Variants in TRMT2B observed in about 807,000 individuals in gnomAD.
The protein encoded by TRMT2B is tRNA methyltransferase 2B.
A neutral mutation model predicts 39.7 loss-of-function variants in TRMT2B; 34 were observed. That is an observed-to-expected ratio of 0.86 (90% CI 0.65 to 1.14). The LOEUF (loss-of-function observed/expected upper bound fraction) is 1.14. Ranked by LOEUF, TRMT2B falls within the 50% of genes most tolerant of loss-of-function variation. The probability of loss-of-function intolerance (pLI) is 0.00; values close to 1 mark genes in which losing one functional copy is unlikely to be tolerated. For synonymous variants in TRMT2B, 132 were observed against 137.3 expected (o/e 0.96, Z 0.27); for missense variants, 318 against 377.2 (o/e 0.84, Z 1.30).
In TRMT2B at chrX:101,015,626, C is replaced by T. The variant is rs1012872021; in HGVS notation, c.1388+3345G>A. On this transcript the variant is annotated intron_variant, in intron 13 of 13. Coordinates refer to ENST00000372936, the MANE Select transcript of TRMT2B (RefSeq NM_024917.6). ...GTACAGTGGTGCAGTCTCAGCTTAC[C>T]AATTTCTAGGAGTTTCTTAGATTAA... 83 of 751,547 alleles carry T rather than the reference C, an allele frequency of 1.1e-4. 1 individual carries two copies. Among genetic ancestry groups the T allele is most frequent in the Non-Finnish European group, 1.3e-4 (82 of 637,120 alleles). 61.9% of individuals were successfully genotyped at this position (751,547 alleles called of 1,213,427 possible).
At chrX:101,023,159 T>C (rs953216007) in intron 8 of TRMT2B, among the ~76,000 whole-genome samples, 4 of 112,459 alleles carry the variant, frequency 3.6e-5, no homozygotes, top group African/African-American at 1.3e-4. Context: ...GCAGTCTCTA[T>C]TGAATTGGCA....
chrX:101,041,900 C>A, intron 3 of TRMT2B, 142 bp downstream of exon 3: 1 of 696,755 alleles, frequency 1.4e-6, no homozygotes, highest in African/African-American at 2.1e-5. Flanking sequence ...TTCAGACGTC[C>A]TCAAATTTGC....
the TRMT2B span, among the ~76,000 whole-genome samples, chrX:101,003,558 C>T: frequency 3.6e-5 from 4 of 110,897 alleles, no homozygotes; most frequent in Non-Finnish European, 7.6e-5. Flanking sequence ...CATGTTGGTC[C>T]AGGCTGGTCT....
At chrX:101,011,335 G>C (rs1054420315) in intron 13 of TRMT2B, among the ~76,000 whole-genome samples, 3 of 111,938 alleles carry the variant, frequency 2.7e-5, no homozygotes, top group African/African-American at 9.7e-5. Flanking sequence ...TAACACAGTG[G>C]TAAGTATTTA....
At chrX:101,038,632 G>A (rs1275569921) in intron 4 of TRMT2B, among the ~76,000 whole-genome samples, 1 of 112,077 alleles carries the variant, frequency 8.9e-6, no homozygotes, top group Non-Finnish European at 1.9e-5. Flanking sequence ...CTGCCCAGCA[G>A]AGCTTTCCAC....
intron 12 of TRMT2B, 54 bp from the exon 13 acceptor site, chrX:101,019,124 A>G: frequency 9.1e-7 from 1 of 1,101,208 alleles, no homozygotes; most frequent in South Asian, 1.8e-5. Flanking sequence ...GGTCTCTGTT[A>G]TCACAAACTT....
chrX:101,035,642 T>C lies in TRMT2B; in HGVS notation c.580A>G (p.Ile194Val), dbSNP rs2087791985. 2.5e-6 allele frequency: 3 copies of C among 1,211,209 alleles called. No individual in the cohort carries two copies. Among genetic ancestry groups the C allele is most frequent in the African/African-American group, 1.7e-5 (1 of 57,926 alleles). ...GCCACTTGACTGTGTTTCTCAGGGATGTTTTTCAGATGATTAGACTGCACA... is the reference window on the plus strand; with the variant it reads ...GCCACTTGACTGTGTTTCTCAGGGACGTTTTTCAGATGATTAGACTGCACA... ...VCVQSNHLKN[I>V]PEKHSQVAQY... Residue 194 changes from isoleucine to valine, a missense_variant, in exon 7 of 14, where the codon ATC becomes GTC. Physicochemically the swap from Ile to Val is conservative, Grantham distance 29. Transcript: ENST00000372936.
Position 101,042,263 on chromosome X carries a change from T to C in TRMT2B, c.27A>G (p.Pro9=), listed in dbSNP as rs1602662850. 23 of 1,211,460 alleles carry C rather than the reference T, an allele frequency of 1.9e-5. No individual in the cohort carries two copies. The East Asian group carries it at 6.5e-4, about 34-fold the overall frequency. Residue 9 remains proline (P), a synonymous_variant, in exon 3 of 14, where the codon CCA becomes CCG. Coordinates refer to ENST00000372936, the MANE Select transcript of TRMT2B (RefSeq NM_024917.6). MAGLKRRV[P]LHSLRYFISM... ...AGATGAAGTATCTGAGGCTGTGCAG[T>C]GGGACTCTTCTCTTAAGGCCTGCCA... is the stretch of plus-strand genomic sequence containing the variant.
chrX:101,049,486 CCA>C (rs1491163971), intron 2 of TRMT2B, among the ~76,000 whole-genome samples: 1,001 of 43,008 alleles, frequency 0.023, 13 homozygotes, highest in African/African-American at 0.13. Context: ...GACCCTGTCT[CCA>C]AAAAAAAAAA....
the TRMT2B span, chrX:100,988,285 T>C: frequency 8.3e-7 from 1 of 1,206,773 alleles, no homozygotes; most frequent in South Asian, 1.8e-5. Flanking sequence ...ATCCTACAGG[T>C]AAATGGCCCT....
the TRMT2B span, chrX:100,973,586 A>G: frequency 2.4e-5 from 23 of 964,733 alleles, no homozygotes; most frequent in South Asian, 4.7e-4. Flanking sequence ...CTTTCTGTTT[A>G]TCAGCACCTG....
chrX:101,027,160 G>A (rs1371271427), intron 7 of TRMT2B, among the ~76,000 whole-genome samples: 1 of 110,952 alleles, frequency 9.0e-6, no homozygotes, highest in Non-Finnish European at 1.9e-5. Flanking sequence ...CAAGCATTGG[G>A]CACAGGTGAT....
the TRMT2B span, among the ~76,000 whole-genome samples, chrX:100,978,464 G>A: frequency 4.5e-5 from 5 of 111,166 alleles, no homozygotes; most frequent in East Asian, 2.8e-4. Flanking sequence ...GACATTCTTC[G>A]TCTCTTTTTA....
At chrX:101,006,859 A>G (rs2086109780), downstream of TRMT2B, among the ~76,000 whole-genome samples, 1 of 111,628 alleles carries the variant, frequency 9.0e-6, no homozygotes, top group African/African-American at 3.3e-5. Flanking sequence ...TTTTTAAAGC[A>G]ATAAAGTACA....
the TRMT2B span, among the ~76,000 whole-genome samples, chrX:100,999,018 A>T: frequency 2.7e-5 from 3 of 112,449 alleles, no homozygotes; most frequent in Non-Finnish European, 5.6e-5. Context: ...AAAGGTAATC[A>T]GTAAAGGCAA....
chrX:101,011,580 G>A (rs2086254612), intron 13 of TRMT2B, among the ~76,000 whole-genome samples: 1 of 110,820 alleles, frequency 9.0e-6, no homozygotes, highest in African/African-American at 3.3e-5. Flanking sequence ...AGACTCTGTC[G>A]TTACCAAAAA....
chrX:101,039,864 C>T (rs1382089767), intron 4 of TRMT2B, among the ~76,000 whole-genome samples: 2 of 108,275 alleles, frequency 1.8e-5, no homozygotes, highest in Admixed American at 1.0e-4. Flanking sequence ...CACACCTCTG[C>T]ATTCCAGCCA....
chrX:100,988,281 C>A, the TRMT2B span: 1 of 1,207,799 alleles, frequency 8.3e-7, no homozygotes, highest in Admixed American at 2.2e-5. Context: ...GTCAATCCTA[C>A]AGGTAAATGG....
intron 2 of TRMT2B, among the ~76,000 whole-genome samples, chrX:101,049,090 A>G (rs1321695024): frequency 9.0e-6 from 1 of 111,616 alleles, no homozygotes; most frequent in Non-Finnish European, 1.9e-5. Context: ...GAAATTTAAA[A>G]AACAACATAC....
Sources: allele counts gnomAD v4.1 joint callset (sites outside exome capture counted in the v4.1 genomes callset), GRCh38; gene constraint gnomAD v4.1.1; transcripts MANE v1.5; gene names NCBI Gene and HGNC (gene_info 2026-07-23, HGNC 2026-07-21).